FRMPD3: variants seen among roughly 807,000 people sequenced by gnomAD.
The protein encoded by FRMPD3 is FERM and PDZ domain-containing protein 3.
In FRMPD3, 42 loss-of-function variants were observed where a neutral mutation model predicts 97.9. The ratio of observed to expected loss-of-function variants is 0.43; its 90% confidence interval spans 0.34 to 0.55. FRMPD3 has a LOEUF of 0.55. FRMPD3 is among the 20% of genes least tolerant of loss of function. The probability of loss-of-function intolerance (pLI) is 0.03; values close to 1 mark genes in which losing one functional copy is unlikely to be tolerated. For missense variants in FRMPD3, 1,303 were observed against 1,457.7 expected (o/e 0.89, Z 1.73); for synonymous variants, 577 against 581.1 (o/e 0.99, Z 0.10).
At chrX:107,557,693 GTTTT>G (rs1376839062) in intron 8 of FRMPD3, among the ~76,000 whole-genome samples, 11 of 83,400 alleles carry the variant, frequency 1.3e-4, no homozygotes, top group African/African-American at 6.3e-4. Context: ...GTGTGTGTGT[GTTTT>G]TTTTTGCATA....
intron 3 of FRMPD3, among the ~76,000 whole-genome samples, chrX:107,532,347 C>T (rs749157576): frequency 2.7e-5 from 3 of 111,722 alleles, no homozygotes; most frequent in South Asian, 3.7e-4. Flanking sequence ...GTGTTTGGCA[C>T]GATTGTGGAA....
chrX:107,478,586 C>G (rs760234469), intron 1 of FRMPD3, among the ~76,000 whole-genome samples: 1 of 111,853 alleles, frequency 8.9e-6, no homozygotes, highest in East Asian at 2.8e-4. Flanking sequence ...TTTCAAGCAT[C>G]TGGTCCAGGG....
intron 1 of FRMPD3, among the ~76,000 whole-genome samples, chrX:107,508,456 C>T (rs965808207): frequency 8.9e-6 from 1 of 112,182 alleles, no homozygotes; most frequent in Non-Finnish European, 1.9e-5. Flanking sequence ...ACCAGCACTT[C>T]ATGTATATTT....
rs1341584419 is a variant in FRMPD3 at position 107,449,923 on chromosome X, GCGC to G, written c.-83_-81del. ...TGCCGCCGCCGCCGCCGCCGCCGCT[GCGC>G]CGCCGCTGCCGCGCCGCTGAGGAGG... On this transcript the variant is annotated 5_prime_UTR_variant, in exon 1 of 15. Coordinates refer to ENST00000683843, the MANE Select transcript of FRMPD3 (RefSeq NM_001388459.1). Among the ~76,000 whole-genome samples, 7 of 109,811 alleles carry G rather than the reference GCGC, an allele frequency of 6.4e-5. No individual in the cohort carries two copies. The East Asian group carries it at 2.0e-3, about 32-fold the overall frequency.
At chrX:107,457,051 G>T (rs1398892035) in intron 1 of FRMPD3, among the ~76,000 whole-genome samples, 1 of 111,243 alleles carries the variant, frequency 9.0e-6, no homozygotes, top group Non-Finnish European at 1.9e-5. Context: ...AATGCGTGGG[G>T]TGAGGAAGAA....
intron 12 of FRMPD3, among the ~76,000 whole-genome samples, chrX:107,571,523 G>A (rs1922885191): frequency 8.9e-6 from 1 of 112,104 alleles, no homozygotes; most frequent in African/African-American, 3.2e-5. Context: ...TGAGCCAGCT[G>A]GGGTTGTGCT....
At chrX:107,543,081 A>T (rs1921393543) in intron 4 of FRMPD3, among the ~76,000 whole-genome samples, 1 of 112,201 alleles carries the variant, frequency 8.9e-6, no homozygotes, top group African/African-American at 3.2e-5. Context: ...TGTTTTAACC[A>T]TATTATTGCA....
At chrX:107,456,884 T>G (rs1277842123) in intron 1 of FRMPD3, among the ~76,000 whole-genome samples, 2 of 112,087 alleles carry the variant, frequency 1.8e-5, no homozygotes, top group African/African-American at 3.2e-5. Context: ...TTCAAGCTCA[T>G]TTTTCTTTTT....
intron 13 of FRMPD3, among the ~76,000 whole-genome samples, chrX:107,580,600 A>G (rs1358538314): frequency 1.8e-5 from 2 of 111,404 alleles, no homozygotes; most frequent in African/African-American, 3.3e-5. Flanking sequence ...CAGGCTGGCT[A>G]TCCTGATTGC....
At chrX:107,591,312 C>A (rs1194469362) in intron 13 of FRMPD3, among the ~76,000 whole-genome samples, 1 of 110,690 alleles carries the variant, frequency 9.0e-6, no homozygotes, top group East Asian at 2.8e-4. Context: ...TATGTGCCAC[C>A]ATGCCCAGCT....
chrX:107,508,875 C>G (rs755907662), intron 1 of FRMPD3, among the ~76,000 whole-genome samples: 3 of 111,980 alleles, frequency 2.7e-5, no homozygotes, highest in Non-Finnish European at 5.6e-5. Flanking sequence ...ATTAATTAGA[C>G]AAGTGTCTGG....
In FRMPD3 at chrX:107,560,411, C is replaced by T; in HGVS notation, c.899+18C>T. The T allele has an allele frequency of 8.3e-7, 1 of 1,207,243 alleles. No individual in the cohort carries two copies. The highest frequency in any genetic ancestry group is 1.1e-6 in the Non-Finnish European group (1 of 894,055). ...AATGTGGAGTGAGTTGTGCTGCGGC[C>T]CGTTGGGATGGGGGGCGAATAGTTG... is the stretch of plus-strand genomic sequence containing the variant. On this transcript the variant is annotated intron_variant, in intron 9 of 14. Coordinates refer to ENST00000683843, the MANE Select transcript of FRMPD3 (RefSeq NM_001388459.1).
rs780485336 is a variant in FRMPD3 at position 107,597,611 on chromosome X, G to A, written c.1732G>A (p.Asp578Asn). 1.7e-6 allele frequency: 2 copies of A among 1,210,925 alleles called. No homozygotes were observed. The highest frequency in any genetic ancestry group is 4.3e-5 in the Admixed American group (2 of 46,011). Residue 578 changes from aspartate to asparagine, a missense_variant, in exon 14 of 15, where the codon GAT becomes AAT. Physicochemically the swap from Asp to Asn is conservative, Grantham distance 23. This residue lies in a region of FRMPD3 where 535 missense variants were observed against 618.6 expected (regional missense o/e 0.86). Transcript: ENST00000683843. The stretch of plus-strand genomic sequence containing the variant: ...TGGCCAAGGTTATGAGGTAGTCCCT[G>A]ATGACTTTGATGCAGCTAGCCTAGA... ...SSGQGYEVVP[D>N]DFDAASLDHE...
chrX:107,517,833 G>T lies in FRMPD3; in HGVS notation c.-7-8749G>T, dbSNP rs184739275. On this transcript the variant is annotated intron_variant, in intron 1 of 14. Coordinates refer to ENST00000683843, the MANE Select transcript of FRMPD3 (RefSeq NM_001388459.1). ...GGAAAGAAAGAAGGAAGGAAGGAAG[G>T]GAGGGAGGGAGGGAGGGAGGGAGGG... is the stretch of plus-strand genomic sequence containing the variant. Among the ~76,000 whole-genome samples, 659 of 88,971 alleles carry T rather than the reference G, an allele frequency of 7.4e-3. 8 individuals carry two copies. The highest frequency in any genetic ancestry group is 0.027 in the African/African-American group (625 of 23,492). The allele number at this position is 88,971 out of a possible 115,157, so 77.3% of individuals were successfully genotyped here.
intron 13 of FRMPD3, among the ~76,000 whole-genome samples, chrX:107,587,950 T>G (rs1043712479): frequency 6.3e-5 from 7 of 110,363 alleles, no homozygotes; most frequent in Admixed American, 1.9e-4. Context: ...AGTTTTTGTA[T>G]TTTTAGTAGA....
intron 1 of FRMPD3, among the ~76,000 whole-genome samples, chrX:107,514,961 G>A (rs1922270126): frequency 8.9e-6 from 1 of 111,827 alleles, no homozygotes; most frequent in Non-Finnish European, 1.9e-5. Context: ...AGAGATGATG[G>A]TGCCATATGC....
intron 1 of FRMPD3, among the ~76,000 whole-genome samples, chrX:107,507,143 G>A (rs1922051850): frequency 9.1e-6 from 1 of 110,471 alleles, no homozygotes; most frequent in South Asian, 4.0e-4. Context: ...GGGCGGCGCT[G>A]GCATGGGCCC....
chrX:107,523,347 G>A (rs1435831880), intron 1 of FRMPD3, among the ~76,000 whole-genome samples: 1 of 111,766 alleles, frequency 8.9e-6, no homozygotes, highest in Non-Finnish European at 1.9e-5. Context: ...ACCCAGGGAT[G>A]AATGTGCTCC....
intron 14 of FRMPD3, among the ~76,000 whole-genome samples, chrX:107,599,740 G>T (rs1379383897): frequency 9.0e-6 from 1 of 111,708 alleles, no homozygotes; most frequent in Non-Finnish European, 1.9e-5. Context: ...CACCTCTTTT[G>T]TTTCTGTTTT....
Sources: allele counts gnomAD v4.1 joint callset (sites outside exome capture counted in the v4.1 genomes callset), GRCh38; gene constraint gnomAD v4.1.1; regional missense constraint gnomAD v4.1.1; transcripts MANE v1.5; gene names NCBI Gene and HGNC (gene_info 2026-07-23, HGNC 2026-07-21).